GCNT2: variants seen among roughly 807,000 people sequenced by gnomAD.
GCNT2 encodes the protein N-acetyllactosaminide beta-1,6-N-acetylglucosaminyl-transferase.
Under a neutral mutation model 34.2 loss-of-function variants are expected in GCNT2, and 34 were observed. The observed-to-expected ratio is 1.00, with a 90% CI of 0.76 to 1.32. The LOEUF is 1.32. Among genes scored for constraint, GCNT2 ranks in the 40% most tolerant of loss-of-function variants. GCNT2 has a pLI of 0.00. For missense variants in GCNT2, 584 were observed against 489.4 expected (o/e 1.19, Z -1.82); for synonymous variants, 212 against 188.0 (o/e 1.13, Z -1.04).
chr6:10,589,057 GGT>G (rs1479458546), intron 3 of GCNT2, among the ~76,000 whole-genome samples: 17 of 142,330 alleles, frequency 1.2e-4, no homozygotes, highest in Admixed American at 2.1e-4. Context: ...GTGTGTGTGT[GGT>G]GTGTGTGTAG....
At chr6:10,611,488 G>A (rs897962312) in intron 3 of GCNT2, among the ~76,000 whole-genome samples, 8 of 151,870 alleles carry the variant, frequency 5.3e-5, no homozygotes, top group African/African-American at 9.7e-5. Context: ...GCGCCACCAC[G>A]CCCGGCTAAT....
intron 3 of GCNT2, among the ~76,000 whole-genome samples, chr6:10,593,984 T>C (rs1421920354): frequency 6.6e-6 from 1 of 152,198 alleles, no homozygotes; most frequent in Non-Finnish European, 1.5e-5. Flanking sequence ...TACTCATCTG[T>C]GATGATGGAG....
intron 3 of GCNT2, among the ~76,000 whole-genome samples, chr6:10,545,070 G>A (rs755577518): frequency 1.3e-5 from 2 of 151,946 alleles, no homozygotes; most frequent in African/African-American, 2.4e-5. Context: ...CCTTTTCTGC[G>A]ATTTTATGTA....
At chr6:10,577,627 G>A (rs952975742) in intron 3 of GCNT2, among the ~76,000 whole-genome samples, 3 of 151,886 alleles carry the variant, frequency 2.0e-5, no homozygotes, top group African/African-American at 7.3e-5. Flanking sequence ...TGAAACCTTC[G>A]CCTCCTGGGT....
At chr6:10,549,882 T>C (rs1762414936) in intron 3 of GCNT2, among the ~76,000 whole-genome samples, 1 of 152,186 alleles carries the variant, frequency 6.6e-6, no homozygotes, top group Non-Finnish European at 1.5e-5. Context: ...AGATGACTTG[T>C]AACCAAGGTT....
chr6:10,593,723 T>C (rs1429870323), intron 3 of GCNT2, among the ~76,000 whole-genome samples: 1 of 152,242 alleles, frequency 6.6e-6, no homozygotes, highest in South Asian at 2.1e-4. Context: ...CTATATATAA[T>C]TGATATATGT....
intron 3 of GCNT2, among the ~76,000 whole-genome samples, chr6:10,583,415 G>A (rs1309058692): frequency 6.6e-6 from 1 of 152,066 alleles, no homozygotes; most frequent in African/African-American, 2.4e-5. Flanking sequence ...ATGGGAGCAG[G>A]GCCCACTCTT....
intron 3 of GCNT2, among the ~76,000 whole-genome samples, chr6:10,609,777 T>G (rs922719887): frequency 6.8e-6 from 1 of 147,734 alleles, no homozygotes; most frequent in Non-Finnish European, 1.5e-5. Context: ...TGAAGCTGGG[T>G]CCAGGGGAAC....
chr6:10,577,555 T>A (rs1763875963), intron 3 of GCNT2, among the ~76,000 whole-genome samples: 2 of 152,190 alleles, frequency 1.3e-5, no homozygotes, highest in South Asian at 2.1e-4. Flanking sequence ...ATTTTATTTT[T>A]TTGAGATAGA....
intron 2 of GCNT2, 57 bp from the exon 3 acceptor site, chr6:10,528,574 G>T: frequency 5.4e-6 from 2 of 369,080 alleles, no homozygotes; most frequent in Non-Finnish European, 1.0e-5. Context: ...TTTCATGGTG[G>T]GAACAGGTGG....
intron 3 of GCNT2, among the ~76,000 whole-genome samples, chr6:10,591,230 C>A (rs560417166): frequency 1.3e-5 from 2 of 152,336 alleles, no homozygotes; most frequent in South Asian, 4.1e-4. Flanking sequence ...TATGCACCTG[C>A]CTGATCTGAT....
chr6:10,575,119 C>T, intron 3 of GCNT2: 2 of 469,106 alleles, frequency 4.3e-6, no homozygotes, highest in South Asian at 4.5e-5. Context: ...GCAATGTCAC[C>T]TTTCTTATAG....
intron 3 of GCNT2, chr6:10,586,957 A>T: frequency 1.5e-6 from 2 of 1,350,024 alleles, no homozygotes; most frequent in Non-Finnish European, 2.1e-6. Context: ...TGAGTTTGCT[A>T]ACATTCTGCT....
At chr6:10,595,027 T>C (rs1764792454) in intron 3 of GCNT2, among the ~76,000 whole-genome samples, 1 of 152,070 alleles carries the variant, frequency 6.6e-6, no homozygotes, top group Admixed American at 6.6e-5. Flanking sequence ...TAATTTCTTG[T>C]CGAGTCGGGG....
At chr6:10,552,440 G>C (rs147068679) in intron 3 of GCNT2, among the ~76,000 whole-genome samples, 1 of 151,370 alleles carries the variant, frequency 6.6e-6, no homozygotes, top group Non-Finnish European at 1.5e-5. Context: ...CCTTGGATTC[G>C]ACCTTGGGCG....
intron 3 of GCNT2, chr6:10,573,006 G>A (rs113926741): frequency 1.3e-3 from 233 of 176,388 alleles, no homozygotes; most frequent in African/African-American, 5.2e-3. Context: ...AAAGGAGCTA[G>A]TATAAGAGTG....
At chr6:10,577,043 A>T (rs1420477114) in intron 3 of GCNT2, among the ~76,000 whole-genome samples, 9 of 152,184 alleles carry the variant, frequency 5.9e-5, no homozygotes, top group Non-Finnish European at 8.8e-5. Context: ...TCACCGTTGC[A>T]CTCCAGCCTG....
At position 10,585,072 on chromosome 6, in the gene GCNT2, TGTGTGTGCG is replaced by T. The variant is rs1561818558; in HGVS notation, c.926-36278_926-36270del. ...GTGTGTGTGTGTGTGTGTGTGTGTG[TGTGTGTGCG>T]CGCTATATTCTGACACATCATTAGA... On this transcript the variant is annotated intron_variant, in intron 3 of 4. Coordinates refer to ENST00000495262, the MANE Select transcript of GCNT2 (RefSeq NM_145649.5). 4.6e-3 allele frequency among the ~76,000 whole-genome samples: 460 copies of T among 100,264 alleles called. 4 individuals carry two copies. Among genetic ancestry groups the T allele is most frequent in the African/African-American group, 0.024 (444 of 18,736 alleles). The allele number at this position is 100,264 out of a possible 152,430, so 65.8% of individuals were successfully genotyped here. A position where few individuals can be genotyped will look rare whatever the true frequency, so the allele number is the denominator to read the frequency against.
chr6:10,526,540 A>T (rs1212050556), intron 1 of GCNT2, among the ~76,000 whole-genome samples: 2 of 152,208 alleles, frequency 1.3e-5, no homozygotes, highest in Non-Finnish European at 2.9e-5. Context: ...GTAAGTGCAG[A>T]ATGCAGGATT....
Sources: allele counts gnomAD v4.1 joint callset (sites outside exome capture counted in the v4.1 genomes callset), GRCh38; gene constraint gnomAD v4.1.1; transcripts MANE v1.5; gene names NCBI Gene and HGNC (gene_info 2026-07-23, HGNC 2026-07-21).